CPS1: variants seen among roughly 807,000 people sequenced by gnomAD.
The protein encoded by CPS1 is carbamoyl-phosphate synthase 1.
CPS1 carries 109 observed loss-of-function variants against 174.6 expected under a neutral mutation model. That is an observed-to-expected ratio of 0.62 (90% CI 0.53 to 0.73). CPS1 has a LOEUF of 0.73. Among genes scored for constraint, CPS1 ranks in the 30% least tolerant of loss-of-function variants. CPS1 has a pLI of 0.00. For synonymous variants in CPS1, 637 were observed against 632.0 expected (o/e 1.01, Z -0.12); for missense variants, 1,689 against 1,821.9 (o/e 0.93, Z 1.33).
At position 210,648,491 on chromosome 2, in the gene CPS1, G is replaced by A. The variant is rs76340296; in HGVS notation, c.3355G>A (p.Ala1119Thr). ...TAATTAGAATGAAGCACTGGAATTTGCAAAGTCTGTGGACTACCCCTGCTT... is the reference window on the plus strand; with the variant it reads ...TAATTAGAATGAAGCACTGGAATTTACAAAGTCTGTGGACTACCCCTGCTT... The part of the protein sequence containing the change: ...VNTLNEALEF[A>T]KSVDYPCLLR... Residue 1119 changes from alanine to threonine, a missense_variant, in exon 27 of 38, where the codon GCA becomes ACA. By Grantham distance (58) the Ala-to-Thr change is moderately conservative. Coordinates refer to ENST00000233072, the MANE Select transcript of CPS1 (RefSeq NM_001875.5). The A allele has an allele frequency of 2.5e-3, 4,007 of 1,613,204 alleles. 93 individuals are homozygous for A. In the African/African-American group the frequency reaches 0.047, roughly 19 times the overall value.
At chr2:210,670,230 AAAGG>A (rs1001833056) in intron 34 of CPS1, among the ~76,000 whole-genome samples, 2 of 152,142 alleles carry the variant, frequency 1.3e-5, no homozygotes, top group African/African-American at 4.8e-5. Context: ...AAAAGTACTT[AAAGG>A]AACTTAATAA....
intron 5 of CPS1, among the ~76,000 whole-genome samples, chr2:210,581,860 C>T (rs984568590): frequency 1.3e-5 from 2 of 152,106 alleles, no homozygotes; most frequent in Non-Finnish European, 2.9e-5. Context: ...CAGAGAAGGG[C>T]ATATCAATGA....
intron 1 of CPS1, among the ~76,000 whole-genome samples, chr2:210,521,971 C>T (rs1306742870): frequency 6.6e-6 from 1 of 151,910 alleles, no homozygotes; most frequent in Admixed American, 6.6e-5. Flanking sequence ...GGATCTTGCT[C>T]TTATGACTTC....
chr2:210,595,063 C>T (rs1698441982), intron 12 of CPS1, among the ~76,000 whole-genome samples: 1 of 151,684 alleles, frequency 6.6e-6, no homozygotes. Flanking sequence ...ACACTTAAAT[C>T]CTTAATTTGA....
At chr2:210,530,250 T>C (rs1248609192) in intron 1 of CPS1, among the ~76,000 whole-genome samples, 1 of 152,104 alleles carries the variant, frequency 6.6e-6, no homozygotes, top group Non-Finnish European at 1.5e-5. Flanking sequence ...TACTGAACTT[T>C]TCAAATAGAT....
At chr2:210,511,319 G>C (rs1695485576) in intron 1 of CPS1, among the ~76,000 whole-genome samples, 1 of 151,992 alleles carries the variant, frequency 6.6e-6, no homozygotes, top group Non-Finnish European at 1.5e-5. Context: ...CTCATAGGTG[G>C]GAAATGAACA....
chr2:210,630,504 G>C (rs184104565), intron 21 of CPS1, among the ~76,000 whole-genome samples: 2 of 152,206 alleles, frequency 1.3e-5, no homozygotes, highest in African/African-American at 4.8e-5. Flanking sequence ...TAGAATCTGG[G>C]TCCACTTAGC....
chr2:210,515,609 G>A (rs13399079), intron 1 of CPS1, among the ~76,000 whole-genome samples: 93,203 of 151,330 alleles, frequency 0.62, 29,089 homozygotes, highest in South Asian at 0.68. Flanking sequence ...TGTTAATCTA[G>A]GTAGTGGTCT....
At chr2:210,508,967 A>G (rs1695370284) in intron 1 of CPS1, among the ~76,000 whole-genome samples, 1 of 152,318 alleles carries the variant, frequency 6.6e-6, no homozygotes, top group South Asian at 2.1e-4. Context: ...AGGAGCTGGT[A>G]CCATTCCTTC....
At chr2:210,529,318 C>A (rs569129283) in intron 1 of CPS1, among the ~76,000 whole-genome samples, 8 of 152,100 alleles carry the variant, frequency 5.3e-5, no homozygotes, top group South Asian at 4.1e-4. Context: ...AGAATAATTT[C>A]CACTTTCTCT....
rs754486450 is a variant in CPS1 at position 210,658,572 on chromosome 2, A to G, written c.3667-27A>G. 18 of 1,597,740 alleles carry G rather than the reference A, an allele frequency of 1.1e-5. No homozygotes were observed. In the South Asian group the frequency reaches 1.7e-4, roughly 15 times the overall value. On this transcript the variant is annotated intron_variant, in intron 30 of 37. Coordinates refer to ENST00000233072, the MANE Select transcript of CPS1 (RefSeq NM_001875.5). ...AAAACTAAGATATGCTCTTTAGCACACTATACGATTATGCTTTTTAATTCA... is the reference window on the plus strand; with the variant it reads ...AAAACTAAGATATGCTCTTTAGCACGCTATACGATTATGCTTTTTAATTCA...
chr2:210,592,583 C>T (rs1164194950), intron 10 of CPS1, among the ~76,000 whole-genome samples: 1 of 151,728 alleles, frequency 6.6e-6, no homozygotes, highest in Non-Finnish European at 1.5e-5. Flanking sequence ...TGAACAGAAC[C>T]CAGAGGGGTC....
At chr2:210,581,403 T>A (rs75316073) in intron 5 of CPS1, among the ~76,000 whole-genome samples, 3 of 152,152 alleles carry the variant, frequency 2.0e-5, no homozygotes, top group African/African-American at 4.8e-5. Flanking sequence ...AAAACAGTAT[T>A]GCCTCATATT....
intron 31 of CPS1, among the ~76,000 whole-genome samples, chr2:210,659,741 A>G (rs1432056314): frequency 6.6e-6 from 1 of 152,194 alleles, no homozygotes; most frequent in Non-Finnish European, 1.5e-5. Context: ...GAAAACTATA[A>G]AGTAGAGTAT....
intron 21 of CPS1, among the ~76,000 whole-genome samples, chr2:210,621,123 A>G (rs1699510494): frequency 6.6e-6 from 1 of 152,146 alleles, no homozygotes; most frequent in East Asian, 1.9e-4. Context: ...GCTTATTGCT[A>G]CCCAAGGGCA....
chr2:210,636,918 A>G (rs145168201), intron 21 of CPS1, among the ~76,000 whole-genome samples: 76 of 152,366 alleles, frequency 5.0e-4, no homozygotes, highest in African/African-American at 1.7e-3. Flanking sequence ...GTGGAAAACA[A>G]TTATAAAATG....
rs1436142730 is a variant in CPS1 at position 210,614,603 on chromosome 2, GAGATGGTATCTC to G, written c.2569-1818_2569-1807del. On this transcript the variant is annotated intron_variant, in intron 20 of 37. Coordinates refer to ENST00000233072, the MANE Select transcript of CPS1 (RefSeq NM_001875.5). ...TAATGACAGCCATTCTAACTAGCAT[GAGATGGTATCTC>G]ATTGTGGTTTTGATTTGCATTTCTC... is the stretch of plus-strand genomic sequence containing the variant. 9.2e-5 allele frequency among the ~76,000 whole-genome samples: 14 copies of G among 152,124 alleles called. No individual in the cohort carries two copies. In the South Asian group the frequency reaches 2.9e-3, roughly 32 times the overall value.
rs970928156 is a variant in CPS1 at position 210,639,470 on chromosome 2, G to A, written c.2895+255G>A. On this transcript the variant is annotated intron_variant, in intron 23 of 37. Coordinates refer to ENST00000233072, the MANE Select transcript of CPS1 (RefSeq NM_001875.5). ...TACTAAAAATACAAAAAATTAGCCG[G>A]GCGCGGTGGCGGGCGCCTGTAGTCC... Among the ~76,000 whole-genome samples, 12 of 151,160 alleles carry A rather than the reference G, an allele frequency of 7.9e-5. No individual in the cohort carries two copies. The South Asian group carries it at 1.7e-3, about 21-fold the overall frequency.
intron 1 of CPS1, among the ~76,000 whole-genome samples, chr2:210,540,430 CAT>C (rs770224507): frequency 2.0e-5 from 3 of 152,034 alleles, no homozygotes; most frequent in Admixed American, 6.6e-5. Context: ...ATTTTGTGCA[CAT>C]GTTTTAGTAT....
Sources: gnomAD v4.1 joint callset for allele counts (sites outside exome capture counted in the v4.1 genomes callset) on GRCh38, gnomAD v4.1.1 for gene constraint, MANE v1.5 for transcripts, NCBI Gene and HGNC (gene_info 2026-07-23, HGNC 2026-07-21) for gene names.